The following YEATS4 variants were observed in gnomAD, a reference collection of about 807,000 sequenced individuals.
YEATS4 encodes the protein YEATS domain-containing protein 4.
A neutral mutation model predicts 30.1 loss-of-function variants in YEATS4; 17 were observed. That is an observed-to-expected ratio of 0.56 (90% CI 0.39 to 0.85). The LOEUF is 0.85. YEATS4 is among the 40% of genes least tolerant of loss of function. The pLI is 0.00. For synonymous variants in YEATS4, 85 were observed against 87.5 expected (o/e 0.97, Z 0.16); for missense variants, 142 against 268.3 (o/e 0.53, Z 3.29).
chr12:69,383,367 G>A (rs185362134), intron 6 of YEATS4, among the ~76,000 whole-genome samples: 68 of 152,296 alleles, frequency 4.5e-4, no homozygotes, highest in African/African-American at 1.4e-3. Flanking sequence ...TCAAAGAGAG[G>A]AGAAGTGTAG....
chr12:69,385,514 A>G (rs556862647), intron 6 of YEATS4, among the ~76,000 whole-genome samples: 3 of 152,292 alleles, frequency 2.0e-5, no homozygotes, highest in East Asian at 3.9e-4. Context: ...ACTTAATTCT[A>G]TAACAGCTTT....
intron 6 of YEATS4, among the ~76,000 whole-genome samples, chr12:69,377,548 T>C (rs977881737): frequency 2.0e-5 from 3 of 152,106 alleles, no homozygotes; most frequent in African/African-American, 7.2e-5. Context: ...GGTGTGAGCC[T>C]CTGCACCTGA....
intron 6 of YEATS4, among the ~76,000 whole-genome samples, chr12:69,385,277 T>C (rs1215111533): frequency 2.2e-5 from 3 of 133,614 alleles, no homozygotes; most frequent in African/African-American, 8.2e-5. Context: ...GAATTTTAAA[T>C]AGTTGTACCG....
downstream of YEATS4, among the ~76,000 whole-genome samples, chr12:69,393,170 G>A (rs1397380284): frequency 6.6e-6 from 1 of 152,190 alleles, no homozygotes; most frequent in Non-Finnish European, 1.5e-5. Flanking sequence ...GAAAATGACT[G>A]GGCATGGTGG....
chr12:69,363,056 G>A (rs961451930), intron 2 of YEATS4, 149 bp downstream of exon 2: 21 of 595,556 alleles, frequency 3.5e-5, no homozygotes, highest in South Asian at 1.2e-4. Context: ...GCAGTGGCGC[G>A]ATCTCAGCTC....
chr12:69,395,498 TAGTA>T (rs1868344981), downstream of YEATS4, among the ~76,000 whole-genome samples: 1 of 152,166 alleles, frequency 6.6e-6, no homozygotes, highest in African/African-American at 2.4e-5. Flanking sequence ...AGTAATATGT[TAGTA>T]AGCAAAGAAA....
chr12:69,373,977 T>C (rs1875743075), intron 6 of YEATS4, among the ~76,000 whole-genome samples: 1 of 152,204 alleles, frequency 6.6e-6, no homozygotes, highest in South Asian at 2.1e-4. Context: ...GTCTGTTCCG[T>C]TGGTTTATGT....
chr12:69,384,866 A>C (rs1340557161), intron 6 of YEATS4, among the ~76,000 whole-genome samples: 2 of 152,236 alleles, frequency 1.3e-5, no homozygotes, highest in Non-Finnish European at 2.9e-5. Context: ...ACCTCAGTAG[A>C]TAAATGGGCA....
At chr12:69,360,049 CG>C in intron 1 of YEATS4, 26 bp downstream of exon 1, 1 of 1,609,474 alleles carries the variant, frequency 6.2e-7, no homozygotes, top group South Asian at 1.1e-5. Context: ...GCCCCTCTTC[CG>C]GGGTGGCTCT....
intron 6 of YEATS4, among the ~76,000 whole-genome samples, chr12:69,384,682 G>A (rs1217382071): frequency 6.6e-6 from 1 of 152,092 alleles, no homozygotes; most frequent in Non-Finnish European, 1.5e-5. Context: ...TGGCTAGGAA[G>A]GACTTTCCAA....
chr12:69,385,591 A>C (rs1204172308), intron 6 of YEATS4, among the ~76,000 whole-genome samples: 1 of 152,202 alleles, frequency 6.6e-6, no homozygotes, highest in African/African-American at 2.4e-5. Context: ...AGGGTCACAC[A>C]GCTAGTTAGT....
the YEATS4 span, among the ~76,000 whole-genome samples, chr12:69,425,186 G>A: frequency 2.0e-5 from 3 of 152,122 alleles, no homozygotes; most frequent in Admixed American, 2.0e-4. Flanking sequence ...GCCTCCCAAA[G>A]TGCTGGGGTT....
At chr12:69,367,723 AG>A (rs1308666448) in intron 4 of YEATS4, among the ~76,000 whole-genome samples, 12 of 152,222 alleles carry the variant, frequency 7.9e-5, no homozygotes, top group Admixed American at 7.9e-4. Context: ...GGGATTGAGA[AG>A]GATACAAAAA....
the YEATS4 span, among the ~76,000 whole-genome samples, chr12:69,404,419 T>C: frequency 4.6e-5 from 7 of 152,228 alleles, no homozygotes; most frequent in Non-Finnish European, 1.5e-5. Flanking sequence ...GGATTAAAGC[T>C]GTTTTCTCAG....
At chr12:69,381,461 A>G (rs1211696217) in intron 6 of YEATS4, among the ~76,000 whole-genome samples, 6 of 152,152 alleles carry the variant, frequency 3.9e-5, no homozygotes, top group Non-Finnish European at 8.8e-5. Flanking sequence ...TCTACAAACA[A>G]TTTGTGCAGT....
At chr12:69,417,598 A>G in the YEATS4 span, among the ~76,000 whole-genome samples, 1 of 152,190 alleles carries the variant, frequency 6.6e-6, no homozygotes, top group African/African-American at 2.4e-5. Context: ...AATCGGTTAC[A>G]GAAGTCTAAT....
At chr12:69,423,571 G>C in the YEATS4 span, among the ~76,000 whole-genome samples, 1 of 152,224 alleles carries the variant, frequency 6.6e-6, no homozygotes, top group African/African-American at 2.4e-5. Context: ...TAATTCCACA[G>C]ATCTGAAACA....
At chr12:69,372,562 C>T (rs993189291) in intron 6 of YEATS4, among the ~76,000 whole-genome samples, 6 of 118,188 alleles carry the variant, frequency 5.1e-5, no homozygotes, top group Non-Finnish European at 8.3e-5. Flanking sequence ...TGAGACAGAG[C>T]CTTGCTCTGT....
At chr12:69,412,768 G>A in the YEATS4 span, among the ~76,000 whole-genome samples, 1 of 152,184 alleles carries the variant, frequency 6.6e-6, no homozygotes, top group Non-Finnish European at 1.5e-5. Flanking sequence ...GAGTGCATAG[G>A]CTTGGGCTAC....
Sources: gnomAD v4.1 joint callset for allele counts (sites outside exome capture counted in the v4.1 genomes callset) on GRCh38, gnomAD v4.1.1 for gene constraint, MANE v1.5 for transcripts, NCBI Gene and HGNC (gene_info 2026-07-23, HGNC 2026-07-21) for gene names.